The following TVP23B variants were observed in gnomAD, a reference collection of about 807,000 sequenced individuals.
TVP23B encodes the protein Golgi apparatus membrane protein TVP23 homolog B.
In TVP23B, 10 loss-of-function variants were observed where a neutral mutation model predicts 30.6. The ratio of observed to expected loss-of-function variants is 0.33; its 90% confidence interval spans 0.20 to 0.55. The LOEUF is 0.55. Ranked by LOEUF, TVP23B falls within the 20% of genes least tolerant of loss-of-function variation. The pLI is 0.91. For synonymous variants in TVP23B, 67 were observed against 83.1 expected (o/e 0.81, Z 1.06); for missense variants, 153 against 243.2 (o/e 0.63, Z 2.47).
At chr17:18,797,987 T>C (rs1203871194) in intron 4 of TVP23B, among the ~76,000 whole-genome samples, 2 of 151,312 alleles carry the variant, frequency 1.3e-5, no homozygotes, top group East Asian at 1.9e-4. Context: ...AATCCCTCTA[T>C]GCTCAGCAGA....
Position 18,785,403 on chromosome 17 carries a change from T to TA in TVP23B, c.13-3947dup, listed in dbSNP as rs1555540162. Among the ~76,000 whole-genome samples, 771 of 150,502 alleles carry TA rather than the reference T, an allele frequency of 5.1e-3. 2 individuals are homozygous for TA. The highest frequency in any genetic ancestry group is 8.0e-3 in the Non-Finnish European group (537 of 67,484). On this transcript the variant is annotated intron_variant, in intron 1 of 6. Coordinates refer to ENST00000307767, the MANE Select transcript of TVP23B (RefSeq NM_016078.6). ...TATTTGTCTTTTTTTTTTTTTTTTTTAAATCTGTACCACTTACAGCAGTAC... is the reference window on the plus strand; with the variant it reads ...TATTTGTCTTTTTTTTTTTTTTTTTTAAAATCTGTACCACTTACAGCAGTAC...
chr17:18,805,151 C>T (rs1288823347), intron 6 of TVP23B, among the ~76,000 whole-genome samples: 6 of 145,726 alleles, frequency 4.1e-5, no homozygotes, highest in East Asian at 2.0e-4. Flanking sequence ...TGCAGTGGCG[C>T]GATCTCGGCT....
chr17:18,794,498 C>G (rs1281553866), intron 3 of TVP23B, among the ~76,000 whole-genome samples: 1 of 152,130 alleles, frequency 6.6e-6, no homozygotes, highest in Non-Finnish European at 1.5e-5. Flanking sequence ...TACAGTTAAA[C>G]TTTCTGAATA....
At chr17:18,802,012 G>T (rs1261508976) in intron 5 of TVP23B, among the ~76,000 whole-genome samples, 1 of 152,096 alleles carries the variant, frequency 6.6e-6, no homozygotes, top group Non-Finnish European at 1.5e-5. Flanking sequence ...CACGAGGTCA[G>T]GAGATCGAGA....
At chr17:18,787,580 G>T (rs1035061313) in intron 1 of TVP23B, among the ~76,000 whole-genome samples, 6 of 152,092 alleles carry the variant, frequency 3.9e-5, no homozygotes, top group African/African-American at 1.4e-4. Context: ...TTCAGTATTT[G>T]AGCTAAAAAA....
At position 18,788,378 on chromosome 17, in the gene TVP23B, T is replaced by G. The variant is rs139400637; in HGVS notation, c.13-975T>G. Among the ~76,000 whole-genome samples, 317 of 150,558 alleles carry G rather than the reference T, an allele frequency of 2.1e-3. 1 individual carries two copies. Among genetic ancestry groups the G allele is most frequent in the African/African-American group, 7.6e-3 (311 of 41,018 alleles). ...TAAGGTTGTAAAAGGAAGCAATGCT[T>G]TGGGAAGGTAGAGGATTGAAGGGGA... On this transcript the variant is annotated intron_variant, in intron 1 of 6. Coordinates refer to ENST00000307767, the MANE Select transcript of TVP23B (RefSeq NM_016078.6).
At chr17:18,781,340 C>G (rs1226782665) in intron 1 of TVP23B, 35 bp downstream of exon 1, 3 of 1,568,032 alleles carry the variant, frequency 1.9e-6, no homozygotes, top group South Asian at 2.3e-5. Context: ...AGGGTGGCGG[C>G]TCCTGGGACT....
At chr17:18,793,560 C>T (rs1180148988) in intron 3 of TVP23B, among the ~76,000 whole-genome samples, 1 of 147,110 alleles carries the variant, frequency 6.8e-6, no homozygotes, top group Non-Finnish European at 1.5e-5. Context: ...TGCGCCACTG[C>T]ACTCTAGCCT....
chr17:18,781,655 C>T, intron 1 of TVP23B: 1 of 362,030 alleles, frequency 2.8e-6, no homozygotes, highest in Admixed American at 4.5e-5. Flanking sequence ...CCCAGGGGTG[C>T]GATGCTATTT....
chr17:18,804,057 A>AGTCT (rs2151852892), intron 5 of TVP23B, 81 bp from the exon 6 acceptor site: 1 of 1,097,340 alleles, frequency 9.1e-7, no homozygotes, highest in African/African-American at 1.6e-5. Flanking sequence ...TTCTCATGAC[A>AGTCT]GTCTGCCTTG....
chr17:18,802,525 A>G (rs1434813077), intron 5 of TVP23B, among the ~76,000 whole-genome samples: 3 of 127,246 alleles, frequency 2.4e-5, no homozygotes, highest in South Asian at 4.7e-4. Context: ...GTTCCTGGGG[A>G]TGGTAATTAG....
rs1300698923 is a variant in TVP23B at position 18,805,813 on chromosome 17, G to A, written c.*246G>A. 1.5e-6 allele frequency: 2 copies of A among 1,374,432 alleles called. No individual in the cohort carries two copies. The highest frequency in any genetic ancestry group is 2.9e-5 in the African/African-American group (2 of 68,288). The allele number at this position is 1,374,432 out of a possible 1,614,324, so 85.1% of individuals were successfully genotyped here. On this transcript the variant is annotated 3_prime_UTR_variant, in exon 7 of 7. Coordinates refer to ENST00000307767, the MANE Select transcript of TVP23B (RefSeq NM_016078.6). Reference sequence around the variant, plus strand: ...AAGATTTGTTCTGTGGTGTAGGTATGCACATTCCATAGGTATGCACACGGC... The same window carrying A: ...AAGATTTGTTCTGTGGTGTAGGTATACACATTCCATAGGTATGCACACGGC...
intron 5 of TVP23B, among the ~76,000 whole-genome samples, chr17:18,803,569 A>C (rs1415920573): frequency 6.6e-6 from 1 of 152,248 alleles, no homozygotes; most frequent in Non-Finnish European, 1.5e-5. Flanking sequence ...AGGAACAAAC[A>C]GCTCTGCAAA....
rs1597617692 is a variant in TVP23B, at chr17:18,791,126, A to C, written c.240+86A>C. 6 of 1,425,572 alleles carry C rather than the reference A, an allele frequency of 4.2e-6. No homozygotes were observed. In the African/African-American group the frequency reaches 6.0e-5, roughly 14 times the overall value. The allele number at this position is 1,425,572 out of a possible 1,614,324, so 88.3% of individuals were successfully genotyped here. A position where few individuals can be genotyped will look rare whatever the true frequency, so the allele number is the denominator to read the frequency against. On this transcript the variant is annotated intron_variant, in intron 3 of 6. Coordinates refer to ENST00000307767, the MANE Select transcript of TVP23B (RefSeq NM_016078.6). The stretch of plus-strand genomic sequence containing the variant: ...TGAGTTAGCATTTTGCATTATTGTT[A>C]ATCTTTTGTTACTTCAAACCTCATC...
In TVP23B at chr17:18,806,035, T is replaced by C. The variant is rs986804948; in HGVS notation, c.*468T>C. 3.1e-6 allele frequency: 3 copies of C among 975,262 alleles called. No individual in the cohort carries two copies. The African/African-American group carries it at 5.2e-5, about 17-fold the overall frequency. 60.4% of individuals were successfully genotyped at this position (975,262 alleles called of 1,614,324 possible). A position where few individuals can be genotyped will look rare whatever the true frequency, so the allele number is the denominator to read the frequency against. ...TGGTAAGAGTGAGCACTTTGGCTTA[T>C]GTATAAGTTAGAAATAATTGTTAGT... is the stretch of plus-strand genomic sequence containing the variant. On this transcript the variant is annotated 3_prime_UTR_variant, in exon 7 of 7. Coordinates refer to ENST00000307767, the MANE Select transcript of TVP23B (RefSeq NM_016078.6).
chr17:18,787,657 CAT>C (rs2151844150), intron 1 of TVP23B, among the ~76,000 whole-genome samples: 1 of 152,248 alleles, frequency 6.6e-6, no homozygotes, highest in East Asian at 1.9e-4. Context: ...TCTGAGACAA[CAT>C]GTGAAAGGCA....
At chr17:18,799,569 A>G (rs529199214) in intron 5 of TVP23B, among the ~76,000 whole-genome samples, 3 of 152,312 alleles carry the variant, frequency 2.0e-5, no homozygotes, top group East Asian at 3.9e-4. Flanking sequence ...CTCACATTCA[A>G]GGAAATGGGA....
intron 1 of TVP23B, chr17:18,782,630 G>C (rs2035825655): frequency 6.6e-6 from 1 of 152,276 alleles, no homozygotes; most frequent in Admixed American, 6.5e-5. Flanking sequence ...CTGGAGGGCT[G>C]CTGGTGGCCC....
At chr17:18,789,582 A>C in intron 2 of TVP23B, 147 bp downstream of exon 2, 3 of 1,047,592 alleles carry the variant, frequency 2.9e-6, no homozygotes, top group Non-Finnish European at 4.1e-6. Context: ...AGTGTACGAC[A>C]AAGATGACAT....
Sources: allele counts gnomAD v4.1 joint callset (sites outside exome capture counted in the v4.1 genomes callset), GRCh38; gene constraint gnomAD v4.1.1; transcripts MANE v1.5; gene names NCBI Gene and HGNC (gene_info 2026-07-23, HGNC 2026-07-21).